EPS8: variants seen among roughly 807,000 people sequenced by gnomAD.
EPS8 encodes the protein EGFR pathway substrate 8, signaling adaptor, also known as epidermal growth factor receptor kinase substrate 8.
Under a neutral mutation model 103.8 loss-of-function variants are expected in EPS8, and 42 were observed. That is an observed-to-expected ratio of 0.40 (90% CI 0.32 to 0.52). EPS8 has a LOEUF of 0.52. Among genes scored for constraint, EPS8 ranks in the 20% least tolerant of loss-of-function variants. The pLI is 0.40. For missense variants in EPS8, 969 were observed against 1,005.1 expected (o/e 0.96, Z 0.49); for synonymous variants, 344 against 344.6 (o/e 1.00, Z 0.02).
chr12:15,711,774 T>C (rs988270163), intron 1 of EPS8, among the ~76,000 whole-genome samples: 2 of 152,312 alleles, frequency 1.3e-5, no homozygotes, highest in East Asian at 3.9e-4. Flanking sequence ...CTTTACAGTA[T>C]ATAAGGGTCT....
intron 1 of EPS8, among the ~76,000 whole-genome samples, chr12:15,766,496 CA>C (rs57577551): frequency 0.022 from 2,677 of 120,954 alleles, 49 homozygotes; most frequent in African/African-American, 0.055. Context: ...GACTCCATCT[CA>C]AAAAAAAAAA....
At chr12:15,632,702 G>C (rs1945068624) in intron 17 of EPS8, among the ~76,000 whole-genome samples, 1 of 152,124 alleles carries the variant, frequency 6.6e-6, no homozygotes, top group African/African-American at 2.4e-5. Context: ...CCAAATATCA[G>C]GTAGTATTGA....
intron 3 of EPS8, among the ~76,000 whole-genome samples, chr12:15,679,897 A>T (rs1003878335): frequency 6.6e-6 from 1 of 152,222 alleles, no homozygotes; most frequent in African/African-American, 2.4e-5. Context: ...GAATTATTTT[A>T]TTCTTATCCA....
At position 15,657,442 on chromosome 12, in the gene EPS8, G is replaced by A. The variant is rs142889750; in HGVS notation, c.1101+637C>T. On this transcript the variant is annotated intron_variant, in intron 12 of 20. Coordinates refer to ENST00000281172, the MANE Select transcript of EPS8 (RefSeq NM_004447.6). ...ACTCCTCTATTTTTCTGCATAGCAC[G>A]TGATTTTTAGACTACTGTATTATGC... Among the ~76,000 whole-genome samples, 533 of 152,232 alleles carry A rather than the reference G, an allele frequency of 3.5e-3. 1 individual carries two copies. Among genetic ancestry groups the A allele is most frequent in the African/African-American group, 1.0e-2 (414 of 41,548 alleles).
intron 1 of EPS8, among the ~76,000 whole-genome samples, chr12:15,782,774 C>A (rs1220632302): frequency 6.6e-6 from 1 of 152,116 alleles, no homozygotes; most frequent in Non-Finnish European, 1.5e-5. Flanking sequence ...TAACTGCATA[C>A]AATTAACTGT....
rs1358164698 is a variant in EPS8, at chr12:15,778,243, T to C, written c.-22+10918A>G. Among the ~76,000 whole-genome samples, 1 of 152,146 alleles carries C rather than the reference T, an allele frequency of 6.6e-6. No individual in the cohort carries two copies. Among genetic ancestry groups the C allele is most frequent in the Non-Finnish European group, 1.5e-5 (1 of 68,016 alleles). On this transcript the variant is annotated intron_variant, in intron 1 of 20. Coordinates refer to ENST00000281172, the MANE Select transcript of EPS8 (RefSeq NM_004447.6). The surrounding 1 kb of genome is among the most constrained non-coding windows in gnomAD (Gnocchi z 4.5). The stretch of plus-strand genomic sequence containing the variant: ...ATCTTCAGAGGGTGATTTTCAACAA[T>C]GATTAAAAACACTCTGACACACACT...
intron 2 of EPS8, among the ~76,000 whole-genome samples, chr12:15,682,277 T>C (rs1946021770): frequency 6.6e-6 from 1 of 152,228 alleles, no homozygotes. Context: ...AGAATTACAT[T>C]TTATTTTATT....
chr12:15,658,457 A>G, intron 11 of EPS8, 40 bp downstream of exon 11: 1 of 1,275,474 alleles, frequency 7.8e-7, no homozygotes. Context: ...CACCTTTTCC[A>G]TTTATTTCTT....
chr12:15,640,973 G>A (rs1945218235), intron 16 of EPS8, 127 bp from the exon 17 acceptor site: 1 of 719,360 alleles, frequency 1.4e-6, no homozygotes, highest in African/African-American at 1.8e-5. Context: ...ACATAGTGTT[G>A]ATTGAATGAT....
At chr12:15,685,403 A>G (rs1466546318) in intron 1 of EPS8, among the ~76,000 whole-genome samples, 1 of 152,224 alleles carries the variant, frequency 6.6e-6, no homozygotes, top group East Asian at 1.9e-4. Context: ...TGGTTCATTC[A>G]GTATATAAAT....
Position 15,688,696 on chromosome 12 carries a change from C to G in EPS8, c.-21-5724G>C, listed in dbSNP as rs1235160642. Among the ~76,000 whole-genome samples the G allele has an allele frequency of 2.6e-5, 4 of 152,144 alleles. No homozygotes were observed. Among genetic ancestry groups the G allele is most frequent in the Non-Finnish European group, 5.9e-5 (4 of 68,026 alleles). Reference sequence around the variant, plus strand: ...CCATTCTCCCTTGTGGCTCCCCCATCTGCTGAGAGCTACCTCCACTCAATA... The same window carrying G: ...CCATTCTCCCTTGTGGCTCCCCCATGTGCTGAGAGCTACCTCCACTCAATA... On this transcript the variant is annotated intron_variant, in intron 1 of 20. Coordinates refer to ENST00000281172, the MANE Select transcript of EPS8 (RefSeq NM_004447.6). This position sits in a 1 kb window ranked among gnomAD's most constrained non-coding sequence, Gnocchi z 5.1.
In EPS8 at chr12:15,666,433, C is replaced by T. The variant is rs765061390; in HGVS notation, c.599+7G>A. 53 of 1,608,186 alleles carry T rather than the reference C, an allele frequency of 3.3e-5. 1 individual carries two copies. The Middle Eastern group carries it at 4.6e-3, about 140-fold the overall frequency. On this transcript the variant is annotated splice_region_variant and intron_variant, in intron 7 of 20. Transcript: ENST00000281172. ...TTCCACTCCTTGATTTCTTTCAATG[C>T]TTTTACCTCAGGGCGTCGGGCCGCC...
In EPS8 at chr12:15,781,761, G is replaced by A. The variant is rs1214824401; in HGVS notation, c.-22+7400C>T. The A allele has an allele frequency of 6.6e-6, 1 of 152,266 alleles. No individual in the cohort carries two copies. Among genetic ancestry groups the A allele is most frequent in the South Asian group, 2.1e-4 (1 of 4,830 alleles). The allele number at this position is 152,266 out of a possible 1,614,324, so 9.4% of individuals were successfully genotyped here. On this transcript the variant is annotated intron_variant, in intron 1 of 20. Transcript: ENST00000281172. The surrounding 1 kb of genome is among the most constrained non-coding windows in gnomAD (Gnocchi z 4.1). Reference sequence around the variant, plus strand: ...CAGTTATGGAGGTTAAGAAGTCCATGGTCGAGGGGCTACATCTGCTAAGAG... The same window carrying A: ...CAGTTATGGAGGTTAAGAAGTCCATAGTCGAGGGGCTACATCTGCTAAGAG...
In EPS8 at chr12:15,781,092, T is replaced by C. The variant is rs547737807; in HGVS notation, c.-22+8069A>G. ...GCTAATGCTACCATTATTTGCTTTA[T>C]TTTGTCTAATTCCCCACAAATGTTT... On this transcript the variant is annotated intron_variant, in intron 1 of 20. Coordinates refer to ENST00000281172, the MANE Select transcript of EPS8 (RefSeq NM_004447.6). This position sits in a 1 kb window ranked among gnomAD's most constrained non-coding sequence, Gnocchi z 4.1. Among the ~76,000 whole-genome samples, 4 of 152,310 alleles carry C rather than the reference T, an allele frequency of 2.6e-5. No homozygotes were observed. The East Asian group carries it at 7.7e-4, about 29-fold the overall frequency.
In EPS8 at chr12:15,627,151, C is replaced by T. The variant is rs1944962046; in HGVS notation, c.2045-2744G>A. On this transcript the variant is annotated intron_variant, in intron 18 of 20. Transcript: ENST00000281172. ...AGTAGCTGGGACTATAGGCGTGTGC[C>T]ACCATGCCCATGCCCAACTAATTTT... 5.3e-5 allele frequency among the ~76,000 whole-genome samples: 8 copies of T among 152,186 alleles called. No individual in the cohort carries two copies. In the South Asian group the frequency reaches 1.7e-3, roughly 32 times the overall value.
At chr12:15,744,020 AG>A (rs1946850887) in intron 1 of EPS8, among the ~76,000 whole-genome samples, 1 of 152,204 alleles carries the variant, frequency 6.6e-6, no homozygotes, top group South Asian at 2.1e-4. Context: ...CATCTGACAA[AG>A]GGCGAATATC....
intron 17 of EPS8, among the ~76,000 whole-genome samples, chr12:15,638,658 T>C (rs892998813): frequency 7.2e-5 from 11 of 152,256 alleles, no homozygotes; most frequent in African/African-American, 2.7e-4. Context: ...AGTTTCTATT[T>C]ACATAAAGTA....
At chr12:15,655,894 C>G (rs1945499567) in intron 12 of EPS8, among the ~76,000 whole-genome samples, 1 of 152,218 alleles carries the variant, frequency 6.6e-6, no homozygotes, top group Admixed American at 6.5e-5. Flanking sequence ...TCCTCCCCAT[C>G]TCCCTCGTCC....
chr12:15,627,587 T>C (rs1183941138), intron 18 of EPS8, among the ~76,000 whole-genome samples: 1 of 152,184 alleles, frequency 6.6e-6, no homozygotes, highest in African/African-American at 2.4e-5. Context: ...TAGAATAATT[T>C]AGCTAGAACT....
Sources: allele counts gnomAD v4.1 joint callset (sites outside exome capture counted in the v4.1 genomes callset), GRCh38; gene constraint gnomAD v4.1.1; non-coding constraint Gnocchi (gnomAD v3.1); transcripts MANE v1.5; gene names NCBI Gene and HGNC (gene_info 2026-07-23, HGNC 2026-07-21).